The following ZFC3H1 variants were observed in gnomAD, a reference collection of about 807,000 sequenced individuals.
ZFC3H1 encodes the protein zinc finger C3H1 domain-containing protein.
Under a neutral mutation model 243.7 loss-of-function variants are expected in ZFC3H1, and 71 were observed. The ratio of observed to expected loss-of-function variants is 0.29; its 90% CI spans 0.24 to 0.36. The LOEUF is 0.36. Among genes scored for constraint, ZFC3H1 ranks in the 10% least tolerant of loss-of-function variants. The probability of loss-of-function intolerance (pLI) is 1.00; values close to 1 mark genes in which losing one functional copy is unlikely to be tolerated. For missense variants in ZFC3H1, 1,966 were observed against 2,317.1 expected (o/e 0.85, Z 3.11); for synonymous variants, 838 against 813.0 (o/e 1.03, Z -0.52).
intron 24 of ZFC3H1, among the ~76,000 whole-genome samples, chr12:71,622,705 C>T (rs947309695): frequency 3.3e-5 from 5 of 152,118 alleles, no homozygotes; most frequent in African/African-American, 4.8e-5. Context: ...TCAGGCAATC[C>T]GCGCACCTTG....
At position 71,610,977 on chromosome 12, in the gene ZFC3H1, A is replaced by G. The variant is rs1879753293; in HGVS notation, c.5769+81T>C. On this transcript the variant is annotated intron_variant, in intron 33 of 34. Transcript: ENST00000378743. ...ATGAAATGTTAACTTCTGTGCTTTA[A>G]TTCTTTTAAATTGAGAAGTCAACAA... The G allele has an allele frequency of 5.1e-6, 8 of 1,558,486 alleles. No homozygotes were observed. In the South Asian group the frequency reaches 9.6e-5, roughly 19 times the overall value.
At chr12:71,661,830 T>C (rs934760024) in intron 1 of ZFC3H1, among the ~76,000 whole-genome samples, 1 of 152,204 alleles carries the variant, frequency 6.6e-6, no homozygotes, top group Non-Finnish European at 1.5e-5. Flanking sequence ...AACCCAACTT[T>C]TGGTTGCAGA....
At chr12:71,635,365 T>C (rs1880433495) in intron 10 of ZFC3H1, 78 bp downstream of exon 10, 1 of 1,503,748 alleles carries the variant, frequency 6.7e-7, no homozygotes, top group East Asian at 2.5e-5. Flanking sequence ...AACTTTATGG[T>C]TTAATTTTCA....
chr12:71,647,919 A>G, intron 2 of ZFC3H1, 106 bp from the exon 3 acceptor site: 1 of 438,358 alleles, frequency 2.3e-6, no homozygotes, highest in Non-Finnish European at 3.9e-6. Context: ...AGATCATTAA[A>G]GGGTCTCATT....
chr12:71,657,857 T>C lies in ZFC3H1; in HGVS notation c.599-556A>G, dbSNP rs551611610. 2.5e-4 allele frequency among the ~76,000 whole-genome samples: 38 copies of C among 152,044 alleles called. 2 individuals are homozygous for C. In the South Asian group the frequency reaches 7.5e-3, roughly 30 times the overall value. ...TTAAAAAATTAGCCAGGCGTGGTGGTGCAGGCCTGTAGTCCCAGGTACTTG... is the reference window on the plus strand; with the variant it reads ...TTAAAAAATTAGCCAGGCGTGGTGGCGCAGGCCTGTAGTCCCAGGTACTTG... On this transcript the variant is annotated intron_variant, in intron 1 of 34. Transcript: ENST00000378743.
chr12:71,658,666 G>C (rs1048712741), intron 1 of ZFC3H1, among the ~76,000 whole-genome samples: 17 of 152,114 alleles, frequency 1.1e-4, no homozygotes, highest in African/African-American at 4.1e-4. Context: ...ACCTCACAGG[G>C]CAAGCAGCAG....
At chr12:71,632,750 C>T (rs949833492) in intron 14 of ZFC3H1, 136 bp downstream of exon 14, 32 of 1,355,564 alleles carry the variant, frequency 2.4e-5, no homozygotes, top group Non-Finnish European at 2.9e-5. Context: ...ATGTGGATGT[C>T]ATTTAAAAAC....
chr12:71,651,049 A>G (rs1205088536), intron 2 of ZFC3H1, among the ~76,000 whole-genome samples: 3 of 152,210 alleles, frequency 2.0e-5, no homozygotes, highest in Non-Finnish European at 4.4e-5. Context: ...AAACTTCAGC[A>G]TGTAGCAGAA....
intron 5 of ZFC3H1, among the ~76,000 whole-genome samples, chr12:71,642,776 T>C (rs939348956): frequency 5.9e-5 from 9 of 152,176 alleles, no homozygotes; most frequent in African/African-American, 2.2e-4. Context: ...ATTTCCAAAG[T>C]ACGAGCTATA....
At chr12:71,662,954 A>G in intron 1 of ZFC3H1, 59 bp downstream of exon 1, 1 of 1,470,250 alleles carries the variant, frequency 6.8e-7, no homozygotes. Flanking sequence ...CAGACCTAGT[A>G]ATGACGCTAA....
At chr12:71,634,909 C>G in intron 10 of ZFC3H1, 84 bp from the exon 11 acceptor site, 2 of 1,403,076 alleles carry the variant, frequency 1.4e-6, no homozygotes, top group Non-Finnish European at 1.9e-6. Context: ...ACATTGCAAC[C>G]CAGTGTATAC....
Position 71,614,832 on chromosome 12 carries a change from A to ACTCCATCCATATCTT in ZFC3H1, c.5347_5360+1dup. 6.2e-7 allele frequency: 1 copy of ACTCCATCCATATCTT among 1,611,676 alleles called. No individual in the cohort carries two copies. ...ATTCTTATCAAGAAAACCTAAACTT[A>ACTCCATCCATATCTT]CTCCATCCATATCTTCTGTACTATA... On this transcript the variant is annotated splice_donor_variant, in intron 29 of 34. Coordinates refer to ENST00000378743, the MANE Select transcript of ZFC3H1 (RefSeq NM_144982.5). LOFTEE classifies it high-confidence loss of function.
At chr12:71,635,721 C>A (rs990177126) in intron 9 of ZFC3H1, 141 bp from the exon 10 acceptor site, 1 of 632,392 alleles carries the variant, frequency 1.6e-6, no homozygotes, top group South Asian at 4.1e-5. Flanking sequence ...TCCACTGAGT[C>A]GACCAATACT....
chr12:71,614,680 T>G lies in ZFC3H1; in HGVS notation c.5381A>C (p.Asn1794Thr). The stretch of plus-strand genomic sequence containing the variant: ...TTTGTTTCTGGATCCAGCAGCTCTA[T>G]TATTTGCAAAGACAAGATAACTGCC... Reference protein sequence around the residue: ...IWMDYLVFANNRAAGSRNKVQ... With the variant: ...IWMDYLVFANTRAAGSRNKVQ... The change falls in exon 30 of 35, where the codon AAT (asparagine) becomes ACT (threonine). Residue 1794 changes from asparagine (N) to threonine (T), a missense_variant. This residue lies in a region of ZFC3H1 where 1,383 missense variants were observed against 1,723.7 expected (regional missense o/e 0.80). Coordinates refer to ENST00000378743, the MANE Select transcript of ZFC3H1 (RefSeq NM_144982.5). 6.2e-7 allele frequency: 1 copy of G among 1,607,040 alleles called. No homozygotes were observed. Among genetic ancestry groups the G allele is most frequent in the Non-Finnish European group, 8.5e-7 (1 of 1,178,020 alleles).
At position 71,636,981 on chromosome 12, in the gene ZFC3H1, G is replaced by A; in HGVS notation, c.1804C>T (p.Pro602Ser). ...TCTGGATCTTCAGGTGGGAGAGGTG[G>A]TAATGGTGGTAGAGGAGGTAGAGGT... ...LEPLPPLPPL[P>S]PLPPEDPEQP... Residue 602 changes from proline to serine, a missense_variant, in exon 8 of 35, where the codon CCA becomes TCA. Physicochemically the swap from Pro to Ser is moderately conservative, Grantham distance 74. Transcript: ENST00000378743. The A allele has an allele frequency of 6.2e-7, 1 of 1,614,002 alleles. No individual in the cohort carries two copies. Among genetic ancestry groups the A allele is most frequent in the East Asian group, 2.2e-5 (1 of 44,874 alleles).
intron 27 of ZFC3H1, among the ~76,000 whole-genome samples, chr12:71,618,373 G>C (rs2137518417): frequency 6.6e-6 from 1 of 151,926 alleles, no homozygotes. Context: ...TCGCTCATCT[G>C]TATTTTCTAC....
intron 2 of ZFC3H1, among the ~76,000 whole-genome samples, chr12:71,652,588 C>T (rs1348702068): frequency 6.6e-6 from 1 of 152,236 alleles, no homozygotes; most frequent in African/African-American, 2.4e-5. Context: ...CAAACATTTA[C>T]ATCTCTATGA....
At chr12:71,638,298 T>C in intron 7 of ZFC3H1, 120 bp downstream of exon 7, 2 of 948,406 alleles carry the variant, frequency 2.1e-6, no homozygotes, top group Non-Finnish European at 3.2e-6. Flanking sequence ...TTCATTGCTA[T>C]TAATTCTTGG....
rs1166730542 is a variant in ZFC3H1, at chr12:71,663,778, C to T, written c.-168G>A. 1.3e-6 allele frequency: 1 copy of T among 750,692 alleles called. No homozygotes were observed. The highest frequency in any genetic ancestry group is 2.1e-6 in the Non-Finnish European group (1 of 471,246). The allele number at this position is 750,692 out of a possible 1,614,324, so 46.5% of individuals were successfully genotyped here. ...TTCCCCGCACCCCAGCACCCCAGCT[C>T]TCTCTCGCCGGACCGTCGCAACCCA... is the stretch of plus-strand genomic sequence containing the variant. On this transcript the variant is annotated 5_prime_UTR_variant, in exon 1 of 35. Coordinates refer to ENST00000378743, the MANE Select transcript of ZFC3H1 (RefSeq NM_144982.5).
Sources: allele counts gnomAD v4.1 joint callset (sites outside exome capture counted in the v4.1 genomes callset), GRCh38; gene constraint gnomAD v4.1.1; regional missense constraint gnomAD v4.1.1; transcripts MANE v1.5; gene names NCBI Gene and HGNC (gene_info 2026-07-23, HGNC 2026-07-21).